Variants in LUZP2 observed in about 807,000 individuals in gnomAD.
The protein encoded by LUZP2 is leucine zipper protein 2.
Under a neutral mutation model 51.6 loss-of-function variants are expected in LUZP2, and 52 were observed. That is an observed-to-expected ratio of 1.01 (90% confidence interval 0.81 to 1.27). The LOEUF (loss-of-function observed/expected upper bound fraction) is 1.27, where lower values mean the gene tolerates loss of function less well. Among genes scored for constraint, LUZP2 ranks in the 50% most tolerant of loss-of-function variants. LUZP2 has a pLI of 0.00. For synonymous variants in LUZP2, 154 were observed against 137.3 expected (o/e 1.12, Z -0.85); for missense variants, 436 against 395.4 (o/e 1.10, Z -0.87).
At chr11:24,819,449 C>G (rs1368937339) in intron 5 of LUZP2, among the ~76,000 whole-genome samples, 1 of 151,932 alleles carries the variant, frequency 6.6e-6, no homozygotes, top group Non-Finnish European at 1.5e-5. Context: ...CATTATATTC[C>G]TGGGATATTT....
intron 4 of LUZP2, among the ~76,000 whole-genome samples, chr11:24,744,037 T>C (rs1859283810): frequency 1.3e-5 from 2 of 152,074 alleles, no homozygotes; most frequent in South Asian, 4.1e-4. Context: ...GTGTATGTTA[T>C]ACTATCCCTG....
At chr11:25,035,036 T>C (rs1480624758) in intron 9 of LUZP2, among the ~76,000 whole-genome samples, 1 of 152,032 alleles carries the variant, frequency 6.6e-6, no homozygotes, top group East Asian at 1.9e-4. Flanking sequence ...GGAAGATACC[T>C]TAAAATAATA....
chr11:24,622,550 A>G (rs977524838), intron 1 of LUZP2, among the ~76,000 whole-genome samples: 1 of 152,110 alleles, frequency 6.6e-6, no homozygotes, highest in Non-Finnish European at 1.5e-5. Context: ...TTAGGTTGGG[A>G]AACAACAGGG....
intron 1 of LUZP2, among the ~76,000 whole-genome samples, chr11:24,572,931 C>A (rs1379718451): frequency 6.6e-6 from 1 of 151,962 alleles, no homozygotes; most frequent in Non-Finnish European, 1.5e-5. Flanking sequence ...TGCAACTGAT[C>A]TTGAGAAATT....
intron 4 of LUZP2, among the ~76,000 whole-genome samples, chr11:24,742,034 T>A (rs575515536): frequency 1.6e-5 from 2 of 126,084 alleles, no homozygotes; most frequent in African/African-American, 6.6e-5. Context: ...ATTTTATATA[T>A]AAATACATAA....
chr11:24,857,312 T>TATACACAC (rs1176277241), intron 5 of LUZP2, among the ~76,000 whole-genome samples: 10 of 133,234 alleles, frequency 7.5e-5, no homozygotes, highest in African/African-American at 3.0e-4. Flanking sequence ...TACATATATA[T>TATACACAC]ACACACACAC....
chr11:24,998,839 C>T (rs1304430673), intron 9 of LUZP2, among the ~76,000 whole-genome samples: 2 of 151,972 alleles, frequency 1.3e-5, no homozygotes, highest in Non-Finnish European at 2.9e-5. Context: ...GTTTCTTTCT[C>T]TCAGGGATCA....
intron 9 of LUZP2, among the ~76,000 whole-genome samples, chr11:25,026,082 A>T (rs931647948): frequency 2.0e-5 from 3 of 148,988 alleles, no homozygotes; most frequent in Non-Finnish European, 4.5e-5. Context: ...CATAGGTGGG[A>T]ATTGAAGAAT....
At chr11:24,899,640 G>T (rs965715279) in intron 5 of LUZP2, among the ~76,000 whole-genome samples, 3 of 152,140 alleles carry the variant, frequency 2.0e-5, no homozygotes, top group South Asian at 2.1e-4. Context: ...CAAGAGAAAA[G>T]GCTTTAGCGT....
chr11:24,587,655 TGAC>T (rs1445038680), intron 1 of LUZP2, among the ~76,000 whole-genome samples: 1 of 152,124 alleles, frequency 6.6e-6, no homozygotes, highest in African/African-American at 2.4e-5. Flanking sequence ...CATCTTGTGA[TGAC>T]TACATATTCA....
At chr11:24,534,727 A>C (rs1851119201) in intron 1 of LUZP2, among the ~76,000 whole-genome samples, 1 of 151,522 alleles carries the variant, frequency 6.6e-6, no homozygotes, top group Non-Finnish European at 1.5e-5. Context: ...CTGAAGAGGA[A>C]GAGAATTTTC....
At chr11:24,740,387 C>A (rs1859093508) in intron 4 of LUZP2, among the ~76,000 whole-genome samples, 1 of 152,098 alleles carries the variant, frequency 6.6e-6, no homozygotes, top group Non-Finnish European at 1.5e-5. Flanking sequence ...GTCACCTTTG[C>A]CTTCATCTCA....
intron 1 of LUZP2, among the ~76,000 whole-genome samples, chr11:24,536,964 G>A (rs1047911839): frequency 4.6e-5 from 7 of 151,922 alleles, no homozygotes; most frequent in African/African-American, 1.7e-4. Context: ...TGCTTCTGAG[G>A]AAGAGGAAGG....
At chr11:24,723,066 G>A (rs892766197) in intron 1 of LUZP2, among the ~76,000 whole-genome samples, 1 of 152,028 alleles carries the variant, frequency 6.6e-6, no homozygotes, top group Non-Finnish European at 1.5e-5. Context: ...AATGGAAAAA[G>A]GGCAAAAGTC....
intron 9 of LUZP2, among the ~76,000 whole-genome samples, chr11:25,002,917 G>A (rs1856729977): frequency 6.6e-6 from 1 of 152,120 alleles, no homozygotes; most frequent in Non-Finnish European, 1.5e-5. Context: ...CTACCTTGCT[G>A]TATACAGGGA....
At chr11:24,811,715 T>C (rs573133563) in intron 5 of LUZP2, among the ~76,000 whole-genome samples, 1 of 152,284 alleles carries the variant, frequency 6.6e-6, no homozygotes, top group South Asian at 2.1e-4. Flanking sequence ...ATGTGTTCAG[T>C]ATGCAGCCTT....
At chr11:24,998,908 T>G (rs1856591160) in intron 9 of LUZP2, among the ~76,000 whole-genome samples, 1 of 152,186 alleles carries the variant, frequency 6.6e-6, no homozygotes, top group Non-Finnish European at 1.5e-5. Context: ...ATTTTAAAAC[T>G]ATTTTAAAAT....
intron 5 of LUZP2, among the ~76,000 whole-genome samples, chr11:24,868,156 G>C (rs1256394343): frequency 6.6e-6 from 1 of 152,064 alleles, no homozygotes; most frequent in Non-Finnish European, 1.5e-5. Context: ...TGTAAATATT[G>C]CTAAGGTGAA....
chr11:24,622,297 G>T (rs1377317734), intron 1 of LUZP2, among the ~76,000 whole-genome samples: 2 of 150,680 alleles, frequency 1.3e-5, no homozygotes, highest in Non-Finnish European at 3.0e-5. Context: ...CCCCACAACA[G>T]GCCCCAGTGT....
Sources: gnomAD v4.1 joint callset for allele counts (sites outside exome capture counted in the v4.1 genomes callset) on GRCh38, gnomAD v4.1.1 for gene constraint, MANE v1.5 for transcripts, NCBI Gene and HGNC (gene_info 2026-07-23, HGNC 2026-07-21) for gene names.